DMD: variants seen among roughly 807,000 people sequenced by gnomAD.
DMD encodes mutant dystrophin.
Under a neutral mutation model 330.1 loss-of-function variants are expected in DMD, and 63 were observed. That is an observed-to-expected ratio of 0.19 (90% CI 0.16 to 0.24). The LOEUF (loss-of-function observed/expected upper bound fraction) is 0.24, where lower values mean the gene tolerates loss of function less well. Among genes scored for constraint, DMD ranks in the 10% least tolerant of loss-of-function variants. DMD has a pLI of 1.00. For missense variants in DMD, 3,344 were observed against 2,684.1 expected (o/e 1.25, Z -5.43); for synonymous variants, 1,223 against 959.8 (o/e 1.27, Z -5.07).
chrX:32,944,011 C>A lies in DMD; in HGVS notation c.93+76128G>T, dbSNP rs149839729. Among the ~76,000 whole-genome samples the A allele has an allele frequency of 4.2e-3, 463 of 111,159 alleles. 1 individual carries two copies. Among genetic ancestry groups the A allele is most frequent in the African/African-American group, 0.014 (432 of 30,610 alleles). On this transcript the variant is annotated intron_variant, in intron 2 of 78. Coordinates refer to ENST00000357033, the MANE Select transcript of DMD (RefSeq NM_004006.3). ...TTAATTTCTCATTATCCACTCCACT[C>A]CAACCCCCTCACCCTACTAAGTTTC...
intron 62 of DMD, among the ~76,000 whole-genome samples, chrX:31,272,412 G>C (rs1479950093): frequency 8.9e-6 from 1 of 111,893 alleles, no homozygotes; most frequent in Non-Finnish European, 1.9e-5. Flanking sequence ...AAGTATATCT[G>C]ACTACAGCAT....
intron 2 of DMD, among the ~76,000 whole-genome samples, chrX:32,932,944 T>G (rs1273571391): frequency 1.8e-5 from 2 of 111,852 alleles, no homozygotes; most frequent in Non-Finnish European, 3.8e-5. Flanking sequence ...ATATATTTTT[T>G]TTCAGATGTA....
At chrX:31,150,569 G>A (rs2037290092) in intron 74 of DMD, among the ~76,000 whole-genome samples, 1 of 112,283 alleles carries the variant, frequency 8.9e-6, no homozygotes, top group Non-Finnish European at 1.9e-5. Flanking sequence ...TTCATCAGGT[G>A]AGAGAAATTC....
intron 2 of DMD, among the ~76,000 whole-genome samples, chrX:32,870,165 C>T (rs755331282): frequency 3.6e-5 from 4 of 111,702 alleles, no homozygotes; most frequent in Non-Finnish European, 7.5e-5. Context: ...AGAGCCAAAT[C>T]ATGTATGAAC....
chrX:31,578,149 T>C (rs1202453955), intron 55 of DMD, among the ~76,000 whole-genome samples: 1 of 111,784 alleles, frequency 8.9e-6, no homozygotes, highest in Non-Finnish European at 1.9e-5. Context: ...ATATTAAACT[T>C]ACTGGAGAAC....
intron 1 of DMD, among the ~76,000 whole-genome samples, chrX:33,123,470 G>A (rs2148496899): frequency 9.0e-6 from 1 of 111,097 alleles, no homozygotes; most frequent in South Asian, 3.9e-4. Context: ...AGGCTGGAGT[G>A]CAGGGGTGCG....
At chrX:33,177,533 C>A (rs2049736988) in intron 1 of DMD, among the ~76,000 whole-genome samples, 2 of 110,369 alleles carry the variant, frequency 1.8e-5, no homozygotes, top group Admixed American at 1.9e-4. Flanking sequence ...TACAGGTGCG[C>A]ACCACCATGC....
intron 64 of DMD, among the ~76,000 whole-genome samples, chrX:31,217,061 T>C (rs1293282855): frequency 8.9e-6 from 1 of 112,164 alleles, no homozygotes; most frequent in Non-Finnish European, 1.9e-5. Context: ...TGCGTTTTTA[T>C]TTCTGCTCTT....
chrX:32,348,340 CTAAG>C, intron 38 of DMD, 62 bp downstream of exon 38: 1 of 1,098,196 alleles, frequency 9.1e-7, no homozygotes, highest in East Asian at 3.0e-5. Context: ...GGAGACTTAT[CTAAG>C]TTCTTTCCAA....
At chrX:31,406,151 T>C (rs1019232679) in intron 60 of DMD, among the ~76,000 whole-genome samples, 6 of 111,924 alleles carry the variant, frequency 5.4e-5, no homozygotes, top group Non-Finnish European at 1.1e-4. Flanking sequence ...TTGCTGAATA[T>C]CTAAGTGCAA....
At chrX:32,514,903 G>C (rs1054099405) in intron 18 of DMD, among the ~76,000 whole-genome samples, 2 of 111,866 alleles carry the variant, frequency 1.8e-5, no homozygotes, top group Non-Finnish European at 3.8e-5. Context: ...AAGAATGAAA[G>C]AACAAATTGG....
intron 44 of DMD, among the ~76,000 whole-genome samples, chrX:32,051,959 A>G (rs1241881940): frequency 3.6e-5 from 4 of 111,970 alleles, no homozygotes; most frequent in Non-Finnish European, 5.6e-5. Flanking sequence ...TGTCCATTGT[A>G]ATGGAGATCA....
At chrX:32,873,902 A>G (rs187964812) in intron 2 of DMD, among the ~76,000 whole-genome samples, 138 of 112,492 alleles carry the variant, frequency 1.2e-3, no homozygotes, top group Non-Finnish European at 2.0e-3. Context: ...GTCCTTTGCA[A>G]TGATCTGAAT....
At chrX:31,947,983 A>G (rs2095110790) in intron 45 of DMD, among the ~76,000 whole-genome samples, 1 of 111,091 alleles carries the variant, frequency 9.0e-6, no homozygotes, top group South Asian at 3.8e-4. Context: ...TATTTACATT[A>G]TATAACTGAA....
At chrX:32,758,707 C>G (rs758909636) in intron 7 of DMD, among the ~76,000 whole-genome samples, 15 of 110,859 alleles carry the variant, frequency 1.4e-4, no homozygotes, top group Admixed American at 8.7e-4. Context: ...CTCAAGATTA[C>G]GAGATAACAA....
At chrX:32,873,492 G>A in intron 2 of DMD, among the ~76,000 whole-genome samples, 1 of 111,099 alleles carries the variant, frequency 9.0e-6, no homozygotes, top group East Asian at 2.8e-4. Context: ...CAATTTTGAG[G>A]AAATAATTCT....
intron 76 of DMD, among the ~76,000 whole-genome samples, chrX:31,138,603 G>T (rs2035554378): frequency 9.7e-6 from 1 of 102,877 alleles, no homozygotes; most frequent in Non-Finnish European, 2.0e-5. Flanking sequence ...GGGGAAGCAA[G>T]GCACCTCTTA....
chrX:32,956,760 G>C (rs2091617605), intron 2 of DMD, among the ~76,000 whole-genome samples: 1 of 111,191 alleles, frequency 9.0e-6, no homozygotes, highest in African/African-American at 3.3e-5. Flanking sequence ...TGGTAAGAGA[G>C]GGCATCCTTG....
At chrX:32,679,916 T>C (rs989005580) in intron 9 of DMD, among the ~76,000 whole-genome samples, 1 of 73,372 alleles carries the variant, frequency 1.4e-5, no homozygotes. Flanking sequence ...TTTTTTTTTT[T>C]TTTTTTTTTT....
Sources: gnomAD v4.1 joint callset for allele counts (sites outside exome capture counted in the v4.1 genomes callset) on GRCh38, gnomAD v4.1.1 for gene constraint, MANE v1.5 for transcripts, NCBI Gene and HGNC (gene_info 2026-07-23, HGNC 2026-07-21) for gene names.